FGF14: variants seen among roughly 807,000 people sequenced by gnomAD.
FGF14 encodes the protein fibroblast growth factor 14.
FGF14 carries 5 observed loss-of-function variants against 25.5 expected under a neutral mutation model. The observed-to-expected ratio is 0.20, with a 90% CI of 0.10 to 0.41. The LOEUF (loss-of-function observed/expected upper bound fraction) is 0.41, where lower values mean the gene tolerates loss of function less well. FGF14 is among the 10% of genes least tolerant of loss of function. FGF14 has a pLI of 1.00. For synonymous variants in FGF14, 138 were observed against 118.3 expected (o/e 1.17, Z -1.08); for missense variants, 222 against 320.1 (o/e 0.69, Z 2.34).
chr13:101,885,189 C>T (rs2045927714), intron 1 of FGF14, among the ~76,000 whole-genome samples: 1 of 152,160 alleles, frequency 6.6e-6, no homozygotes, highest in South Asian at 2.1e-4. Flanking sequence ...GCTGGAAGAA[C>T]ATTTGCACTA....
At position 101,717,879 on chromosome 13, in the gene FGF14, T is replaced by G. The variant is rs182254174; in HGVS notation, c.*4952A>C. On this transcript the variant is annotated 3_prime_UTR_variant, in exon 5 of 5. Coordinates refer to ENST00000376143, the MANE Select transcript of FGF14 (RefSeq NM_004115.4). ...CTTATTTTTCTTATAATCCTCTGTA[T>G]GTTATTATCCTTTTTATTAACAACA... 2.1e-4 allele frequency: 32 copies of G among 152,250 alleles called. No homozygotes were observed. In the East Asian group the frequency reaches 6.2e-3, roughly 30 times the overall value. The allele number at this position is 152,250 out of a possible 1,614,324, so 9.4% of individuals were successfully genotyped here. A position where few individuals can be genotyped will look rare whatever the true frequency, so the allele number is the denominator to read the frequency against.
chr13:102,159,874 T>G (rs1460215652), intron 1 of FGF14, among the ~76,000 whole-genome samples: 2 of 152,232 alleles, frequency 1.3e-5, no homozygotes, highest in African/African-American at 4.8e-5. Context: ...CCAGTGTATT[T>G]AAGTATCTCA....
intron 1 of FGF14, among the ~76,000 whole-genome samples, chr13:102,117,072 G>A (rs763394932): frequency 2.6e-5 from 4 of 152,128 alleles, no homozygotes; most frequent in East Asian, 1.9e-4. Context: ...CTGAGCCTAC[G>A]TTTTGCCTCC....
At chr13:102,315,680 T>G (rs542522275) in intron 1 of FGF14, among the ~76,000 whole-genome samples, 92 of 152,232 alleles carry the variant, frequency 6.0e-4, no homozygotes, top group African/African-American at 2.2e-3. Context: ...AAAACAAGAG[T>G]TGGAATTTTC....
intron 1 of FGF14, among the ~76,000 whole-genome samples, chr13:102,065,689 G>T (rs1329262253): frequency 6.6e-6 from 1 of 151,932 alleles, no homozygotes; most frequent in East Asian, 1.9e-4. Flanking sequence ...TGCATCTGCA[G>T]ATTCAACCAA....
chr13:101,976,728 C>A (rs2037950146), intron 1 of FGF14, among the ~76,000 whole-genome samples: 1 of 152,188 alleles, frequency 6.6e-6, no homozygotes, highest in African/African-American at 2.4e-5. Context: ...TAAATCATAG[C>A]AATTGCCAAC....
intron 3 of FGF14, among the ~76,000 whole-genome samples, chr13:101,803,369 A>G (rs2041009926): frequency 6.6e-6 from 1 of 152,012 alleles, no homozygotes; most frequent in African/African-American, 2.4e-5. Context: ...GGTTCAAGCA[A>G]TCCTCCTGCC....
rs543338130 is a variant in FGF14, at chr13:102,055,475, C to A, written c.209-180179G>T. Reference sequence around the variant, plus strand: ...AACATAACTAAGATTATATCATATTCCTGTTGAACACCATTCAAAGGCTTG... The same window carrying A: ...AACATAACTAAGATTATATCATATTACTGTTGAACACCATTCAAAGGCTTG... On this transcript the variant is annotated intron_variant, in intron 1 of 4. Transcript: ENST00000376131. 4.7e-4 allele frequency among the ~76,000 whole-genome samples: 71 copies of A among 152,286 alleles called. No individual in the cohort carries two copies. The South Asian group carries it at 0.014, about 31-fold the overall frequency.
chr13:101,812,476 T>C (rs1200444750), intron 3 of FGF14, among the ~76,000 whole-genome samples: 1 of 151,350 alleles, frequency 6.6e-6, no homozygotes, highest in Admixed American at 6.6e-5. Flanking sequence ...ATAAACTTTA[T>C]AGATCTTTTA....
intron 1 of FGF14, among the ~76,000 whole-genome samples, chr13:102,112,705 ATTAAT>A (rs781254970): frequency 3.3e-4 from 50 of 152,342 alleles, no homozygotes; most frequent in East Asian, 5.8e-4. Context: ...ATGACAATAA[ATTAAT>A]TTATCAAATT....
chr13:102,220,491 T>A (rs536140884), intron 1 of FGF14, among the ~76,000 whole-genome samples: 242 of 152,294 alleles, frequency 1.6e-3, no homozygotes, highest in Non-Finnish European at 2.9e-3. Flanking sequence ...TTTCAAGACA[T>A]TAGATATATT....
At chr13:101,728,161 C>A (rs2139697626) in intron 3 of FGF14, among the ~76,000 whole-genome samples, 1 of 152,224 alleles carries the variant, frequency 6.6e-6, no homozygotes, top group East Asian at 1.9e-4. Context: ...ACAATTTATT[C>A]AGTGTGCTGA....
intron 3 of FGF14, among the ~76,000 whole-genome samples, chr13:101,815,792 G>T (rs2041813316): frequency 6.6e-6 from 1 of 151,938 alleles, no homozygotes; most frequent in Non-Finnish European, 1.5e-5. Flanking sequence ...GGTTCTGAGT[G>T]CCTGATTAGG....
At chr13:101,780,493 A>G (rs978790321) in intron 3 of FGF14, among the ~76,000 whole-genome samples, 2 of 152,190 alleles carry the variant, frequency 1.3e-5, no homozygotes, top group Non-Finnish European at 2.9e-5. Flanking sequence ...TCTACAACTT[A>G]AAGTCTTTGC....
rs543226242 is a variant in FGF14, at chr13:101,893,238, A to T, written c.194-17942T>A. Among the ~76,000 whole-genome samples the T allele has an allele frequency of 1.1e-4, 16 of 152,308 alleles. No individual in the cohort carries two copies. The South Asian group carries it at 3.3e-3, about 32-fold the overall frequency. ...ATGGCTAGTTCCTATTCACCCTGTC[A>T]TCACCTCTCTGTCCATGATTGCCTC... On this transcript the variant is annotated intron_variant, in intron 1 of 4. Coordinates refer to ENST00000376143, the MANE Select transcript of FGF14 (RefSeq NM_004115.4).
chr13:102,109,927 AT>A (rs1460251930), intron 1 of FGF14, among the ~76,000 whole-genome samples: 21 of 152,138 alleles, frequency 1.4e-4, no homozygotes, highest in Non-Finnish European at 2.5e-4. Flanking sequence ...GATGGTAAGT[AT>A]TCTTTAGAGA....
intron 1 of FGF14, among the ~76,000 whole-genome samples, chr13:102,258,112 A>G (rs1027357537): frequency 2.6e-5 from 4 of 152,190 alleles, no homozygotes; most frequent in African/African-American, 9.7e-5. Flanking sequence ...GGGTTTCCTC[A>G]TATAAAACCA....
At chr13:101,780,678 C>A (rs1005816507) in intron 3 of FGF14, among the ~76,000 whole-genome samples, 3 of 151,870 alleles carry the variant, frequency 2.0e-5, no homozygotes, top group African/African-American at 7.3e-5. Flanking sequence ...TTTAAGAAAC[C>A]CTTATTAAAC....
At chr13:101,862,372 A>G (rs907341094) in intron 3 of FGF14, among the ~76,000 whole-genome samples, 3 of 150,262 alleles carry the variant, frequency 2.0e-5, no homozygotes, top group African/African-American at 4.9e-5. Flanking sequence ...TCTTTTTCTT[A>G]GGCTCTCAGT....
Sources: allele counts gnomAD v4.1 joint callset (sites outside exome capture counted in the v4.1 genomes callset), GRCh38; gene constraint gnomAD v4.1.1; transcripts MANE v1.5; gene names NCBI Gene and HGNC (gene_info 2026-07-23, HGNC 2026-07-21).